The following PCDH9 variants were observed in gnomAD, a reference collection of about 807,000 sequenced individuals.
PCDH9 encodes the protein protocadherin 9, also known as protocadherin-9.
PCDH9 carries 24 observed loss-of-function variants against 70.6 expected under a neutral mutation model. That is an observed-to-expected ratio of 0.34 (90% CI 0.25 to 0.48). PCDH9 has a LOEUF of 0.48. PCDH9 is among the 20% of genes least tolerant of loss of function. The pLI is 0.99. For synonymous variants in PCDH9, 562 were observed against 558.5 expected (o/e 1.01, Z -0.09); for missense variants, 1,281 against 1,503.6 (o/e 0.85, Z 2.45).
intron 4 of PCDH9, among the ~76,000 whole-genome samples, chr13:66,453,612 A>C (rs1432351739): frequency 1.3e-5 from 2 of 152,310 alleles, no homozygotes. Context: ...TCTTCCCAGC[A>C]ATCCTTTAAC....
At chr13:66,515,284 G>A (rs576801149) in intron 4 of PCDH9, among the ~76,000 whole-genome samples, 6 of 151,982 alleles carry the variant, frequency 3.9e-5, no homozygotes, top group Admixed American at 1.3e-4. Flanking sequence ...AATATAATTG[G>A]TGTTTGAACA....
intron 2 of PCDH9, among the ~76,000 whole-genome samples, chr13:66,980,724 T>TTG (rs1354798467): frequency 1.7e-5 from 2 of 120,466 alleles, no homozygotes; most frequent in African/African-American, 7.2e-5. Flanking sequence ...TCCTGTTTTT[T>TTG]TCTTTGTTTT....
chr13:66,344,197 C>A (rs929464852), intron 4 of PCDH9, among the ~76,000 whole-genome samples: 5 of 152,092 alleles, frequency 3.3e-5, no homozygotes, highest in Admixed American at 1.3e-4. Context: ...GGCTAGAGTG[C>A]AGTGGCACAA....
chr13:67,227,516 T>A lies in PCDH9; in HGVS notation c.925A>T (p.Thr309Ser). The A allele has an allele frequency of 1.2e-6, 2 of 1,613,730 alleles. No individual in the cohort carries two copies. Among genetic ancestry groups the A allele is most frequent in the Non-Finnish European group, 1.7e-6 (2 of 1,179,680 alleles). The change falls in exon 2 of 5, where the codon ACT (threonine) becomes TCT (serine). Residue 309 changes from threonine to serine, a missense_variant. Physicochemically the swap from Thr to Ser is moderately conservative, Grantham distance 58. Coordinates refer to ENST00000377865, the MANE Select transcript of PCDH9 (RefSeq NM_203487.3). The surrounding 1 kb of genome is among the most constrained non-coding windows in gnomAD (Gnocchi z 4.6). Reference protein sequence around the residue: ...TKRLFALNNTTGLITVQRSLD... With the variant: ...TKRLFALNNTSGLITVQRSLD... ...GACCTCTGAACTGTAATCAGCCCAG[T>A]AGTATTATTTAAAGCAAAGAGTCTT...
chr13:66,565,005 T>C (rs1348474054), intron 4 of PCDH9, among the ~76,000 whole-genome samples: 1 of 152,182 alleles, frequency 6.6e-6, no homozygotes, highest in East Asian at 1.9e-4. Context: ...TAGGAAGCTA[T>C]ACAAATATAA....
intron 4 of PCDH9, among the ~76,000 whole-genome samples, chr13:66,573,644 T>C (rs2076767892): frequency 6.6e-6 from 1 of 152,184 alleles, no homozygotes; most frequent in Non-Finnish European, 1.5e-5. Flanking sequence ...TTGCAATGTT[T>C]GATAAACTAA....
chr13:66,742,529 A>G (rs1029303552), intron 3 of PCDH9, among the ~76,000 whole-genome samples: 7 of 147,828 alleles, frequency 4.7e-5, no homozygotes, highest in Admixed American at 2.0e-4. Flanking sequence ...TGCACAGCAA[A>G]AGAAACTACC....
intron 3 of PCDH9, among the ~76,000 whole-genome samples, chr13:66,747,685 T>A (rs1464753737): frequency 6.6e-6 from 1 of 152,086 alleles, no homozygotes; most frequent in Admixed American, 6.6e-5. Flanking sequence ...AAAAACATAA[T>A]CAAAAAATAA....
intron 2 of PCDH9, among the ~76,000 whole-genome samples, chr13:66,993,049 C>T (rs977639895): frequency 6.6e-6 from 1 of 151,962 alleles, no homozygotes; most frequent in Admixed American, 6.6e-5. Context: ...ATGAAATGAA[C>T]TCTAGAGGGG....
intron 2 of PCDH9, among the ~76,000 whole-genome samples, chr13:66,943,947 C>T (rs190092686): frequency 2.4e-4 from 36 of 151,532 alleles, no homozygotes; most frequent in African/African-American, 7.8e-4. Context: ...GACCCTGGCT[C>T]TACCTCTTAA....
At chr13:67,066,009 T>G (rs2085640026) in intron 2 of PCDH9, among the ~76,000 whole-genome samples, 1 of 152,174 alleles carries the variant, frequency 6.6e-6, no homozygotes, top group Non-Finnish European at 1.5e-5. Flanking sequence ...TTCTGGATAA[T>G]ATGGCTTTAA....
Position 67,114,560 on chromosome 13 carries a change from T to A in PCDH9, c.3036+110845A>T, listed in dbSNP as rs1481964654. Among the ~76,000 whole-genome samples the A allele has an allele frequency of 2.6e-5, 4 of 152,198 alleles. No individual in the cohort carries two copies. The East Asian group carries it at 7.7e-4, about 29-fold the overall frequency. On this transcript the variant is annotated intron_variant, in intron 2 of 4. Transcript: ENST00000377865. The stretch of plus-strand genomic sequence containing the variant: ...ACAAATGAAGCAGAGCAGATAAACA[T>A]TTTTTTTCCAAACACCTTTACACCA...
At chr13:66,510,077 G>A (rs1434937485) in intron 4 of PCDH9, among the ~76,000 whole-genome samples, 1 of 151,930 alleles carries the variant, frequency 6.6e-6, no homozygotes, top group Non-Finnish European at 1.5e-5. Context: ...TTATTTTTCT[G>A]AGCATAATTT....
intron 4 of PCDH9, among the ~76,000 whole-genome samples, chr13:66,541,333 G>A (rs574981975): frequency 6.6e-6 from 1 of 152,154 alleles, no homozygotes; most frequent in South Asian, 2.1e-4. Flanking sequence ...AGTAATGAGA[G>A]TATATTCATT....
chr13:66,948,942 A>G (rs903173331), intron 2 of PCDH9, among the ~76,000 whole-genome samples: 4 of 152,120 alleles, frequency 2.6e-5, no homozygotes, highest in Non-Finnish European at 5.9e-5. Context: ...CTATTTTTGC[A>G]TAGAAAATTA....
chr13:66,762,849 G>C (rs1232492175), intron 3 of PCDH9, among the ~76,000 whole-genome samples: 1 of 151,868 alleles, frequency 6.6e-6, no homozygotes, highest in Non-Finnish European at 1.5e-5. Flanking sequence ...AATTCATTAA[G>C]ATACAAGTCT....
intron 3 of PCDH9, among the ~76,000 whole-genome samples, chr13:66,746,956 C>A (rs992464938): frequency 6.6e-6 from 1 of 151,956 alleles, no homozygotes; most frequent in African/African-American, 2.4e-5. Flanking sequence ...AGATTTCTTG[C>A]TATTTTTTCC....
chr13:66,823,283 G>T (rs1036217046), intron 3 of PCDH9, among the ~76,000 whole-genome samples: 1 of 151,738 alleles, frequency 6.6e-6, no homozygotes, highest in African/African-American at 2.4e-5. Flanking sequence ...TGTAAGAATT[G>T]CCTTTTTGAT....
chr13:66,903,850 T>G (rs867065385), intron 2 of PCDH9, among the ~76,000 whole-genome samples: 4 of 152,144 alleles, frequency 2.6e-5, no homozygotes, highest in Middle Eastern at 6.8e-3. Context: ...TAATTTTACT[T>G]TTACCTTTTT....
Sources: gnomAD v4.1 joint callset for allele counts (sites outside exome capture counted in the v4.1 genomes callset) on GRCh38, gnomAD v4.1.1 for gene constraint, Gnocchi (gnomAD v3.1) non-coding constraint, MANE v1.5 for transcripts, NCBI Gene and HGNC (gene_info 2026-07-23, HGNC 2026-07-21) for gene names.